DCUN1D1: variants seen among roughly 807,000 people sequenced by gnomAD.
DCUN1D1 encodes defective in cullin neddylation 1 domain containing 1, also known as DCN1-like protein 1.
Under a neutral mutation model 39.0 loss-of-function variants are expected in DCUN1D1, and 3 were observed. The ratio of observed to expected loss-of-function variants is 0.08; its 90% CI spans 0.04 to 0.20. The LOEUF (loss-of-function observed/expected upper bound fraction) is 0.20. Among genes scored for constraint, DCUN1D1 ranks in the 10% least tolerant of loss-of-function variants. The probability of loss-of-function intolerance (pLI) is 1.00; values close to 1 mark genes in which losing one functional copy is unlikely to be tolerated. For synonymous variants in DCUN1D1, 82 were observed against 96.3 expected (o/e 0.85, Z 0.87); for missense variants, 158 against 302.4 (o/e 0.52, Z 3.54).
At chr3:182,951,570 T>C (rs1275052752) in intron 4 of DCUN1D1, among the ~76,000 whole-genome samples, 1 of 122,422 alleles carries the variant, frequency 8.2e-6, no homozygotes, top group African/African-American at 3.3e-5. Flanking sequence ...GGGTCATGAT[T>C]GTGCCACTGC....
rs1428767566 is a variant in DCUN1D1 at position 182,940,818 on chromosome 3, T to C, written c.*4276A>G. 12 of 152,274 alleles carry C rather than the reference T, an allele frequency of 7.9e-5. 1 individual carries two copies. Among genetic ancestry groups the C allele is most frequent in the Admixed American group, 6.5e-4 (10 of 15,288 alleles). 9.4% of individuals were successfully genotyped at this position (152,274 alleles called of 1,614,324 possible). On this transcript the variant is annotated 3_prime_UTR_variant, in exon 7 of 7. Coordinates refer to ENST00000292782, the MANE Select transcript of DCUN1D1 (RefSeq NM_020640.4). ...CAATCATGAAGCACTTGTAAGTAAA[T>C]AGAAAATTGGGCTATACTTAAAAAC... is the stretch of plus-strand genomic sequence containing the variant.
intron 4 of DCUN1D1, among the ~76,000 whole-genome samples, chr3:182,954,216 G>A (rs1412022458): frequency 6.6e-6 from 1 of 152,190 alleles, no homozygotes; most frequent in Non-Finnish European, 1.5e-5. Flanking sequence ...CATCTACTGA[G>A]ATATAAAGAA....
intron 4 of DCUN1D1, among the ~76,000 whole-genome samples, chr3:182,954,941 T>C (rs576386565): frequency 6.6e-6 from 1 of 152,352 alleles, no homozygotes; most frequent in African/African-American, 2.4e-5. Flanking sequence ...GTCTAAAATT[T>C]GTCTACTTTT....
chr3:182,961,120 T>C (rs1185824697), intron 4 of DCUN1D1, 106 bp downstream of exon 4: 1 of 847,638 alleles, frequency 1.2e-6, no homozygotes, highest in South Asian at 2.0e-5. Context: ...AACTGGTATT[T>C]TCATGACTTT....
intron 1 of DCUN1D1, among the ~76,000 whole-genome samples, chr3:182,975,263 A>T (rs527839572): frequency 6.9e-6 from 1 of 144,996 alleles, no homozygotes; most frequent in Non-Finnish European, 1.5e-5. Flanking sequence ...TGCAAGCTCC[A>T]CCTCCTGGGT....
chr3:182,961,744 T>C (rs778399789), intron 3 of DCUN1D1, among the ~76,000 whole-genome samples: 1 of 152,204 alleles, frequency 6.6e-6, no homozygotes, highest in African/African-American at 2.4e-5. Context: ...GCGTCTACTA[T>C]CTAAATTAAC....
At position 182,941,976 on chromosome 3, in the gene DCUN1D1, T is replaced by TA. The variant is rs1246501404; in HGVS notation, c.*3117dup. ...TACTCACTTCTTGATTATCATCAAATAAAAAATAAATGAACACTTCATTCA... is the reference window on the plus strand; with the variant it reads ...TACTCACTTCTTGATTATCATCAAATAAAAAAATAAATGAACACTTCATTCA... On this transcript the variant is annotated 3_prime_UTR_variant, in exon 7 of 7. Coordinates refer to ENST00000292782, the MANE Select transcript of DCUN1D1 (RefSeq NM_020640.4). 1 of 152,104 alleles carries TA rather than the reference T, an allele frequency of 6.6e-6. No homozygotes were observed. The highest frequency in any genetic ancestry group is 1.5e-5 in the Non-Finnish European group (1 of 67,964). The allele number at this position is 152,104 out of a possible 1,614,324, so 9.4% of individuals were successfully genotyped here. A position where few individuals can be genotyped will look rare whatever the true frequency, so the allele number is the denominator to read the frequency against.
chr3:182,979,675 A>G (rs73177390), intron 1 of DCUN1D1, among the ~76,000 whole-genome samples: 5,327 of 148,774 alleles, frequency 0.036, 126 homozygotes, highest in Middle Eastern at 0.095. Context: ...CTTAACTACT[A>G]TAATAAAGCA....
chr3:182,965,253 A>T (rs1477984928), intron 2 of DCUN1D1, among the ~76,000 whole-genome samples: 1 of 152,216 alleles, frequency 6.6e-6, no homozygotes, highest in Non-Finnish European at 1.5e-5. Flanking sequence ...AGGTTTCCTT[A>T]GACTGGTTCA....
intron 4 of DCUN1D1, among the ~76,000 whole-genome samples, chr3:182,950,359 G>A (rs1428603648): frequency 6.6e-6 from 1 of 151,872 alleles, no homozygotes; most frequent in Non-Finnish European, 1.5e-5. Context: ...CGTTGGCCAG[G>A]ATGGTCTCTA....
chr3:182,947,218 G>T lies in DCUN1D1; in HGVS notation c.700+20C>A. 6.8e-7 allele frequency: 1 copy of T among 1,479,316 alleles called. No homozygotes were observed. The highest frequency in any genetic ancestry group is 9.3e-7 in the Non-Finnish European group (1 of 1,080,076). The allele number at this position is 1,479,316 out of a possible 1,614,324, so 91.6% of individuals were successfully genotyped here. ...AAAAGGCACATTAAAAAAAAGTGGT[G>T]TGGCAAAAATTTTCATTACCTTCTT... On this transcript the variant is annotated intron_variant, in intron 6 of 6. Transcript: ENST00000292782.
chr3:182,971,001 G>C lies in DCUN1D1; in HGVS notation c.4-5248C>G, dbSNP rs566206020. On this transcript the variant is annotated intron_variant, in intron 1 of 6. Coordinates refer to ENST00000292782, the MANE Select transcript of DCUN1D1 (RefSeq NM_020640.4). ...CCAGGAAAGTCAGAATAGGAATCTA[G>C]GTAGGAGTAGCTCTATCTCTTTCCT... 7.9e-5 allele frequency among the ~76,000 whole-genome samples: 12 copies of C among 152,310 alleles called. No individual in the cohort carries two copies. The South Asian group carries it at 2.5e-3, about 32-fold the overall frequency.
At chr3:182,949,853 A>C (rs1726618180) in intron 4 of DCUN1D1, among the ~76,000 whole-genome samples, 1 of 152,220 alleles carries the variant, frequency 6.6e-6, no homozygotes, top group Non-Finnish European at 1.5e-5. Flanking sequence ...CAACTAGCAG[A>C]CTGAAATACA....
upstream of DCUN1D1, among the ~76,000 whole-genome samples, chr3:182,983,306 T>C (rs1418842228): frequency 6.6e-6 from 1 of 152,184 alleles, no homozygotes; most frequent in Non-Finnish European, 1.5e-5. Context: ...TAATCCTCAC[T>C]GCGACACATA....
chr3:182,959,758 G>A (rs1404930325), intron 4 of DCUN1D1, among the ~76,000 whole-genome samples: 1 of 152,170 alleles, frequency 6.6e-6, no homozygotes, highest in Non-Finnish European at 1.5e-5. Flanking sequence ...AACTCGTACT[G>A]AAATTTTATC....
intron 1 of DCUN1D1, among the ~76,000 whole-genome samples, chr3:182,969,988 C>G (rs531344167): frequency 1.4e-4 from 21 of 152,164 alleles, no homozygotes; most frequent in Non-Finnish European, 3.1e-4. Context: ...GGTGCAGTAA[C>G]TCACGCCTGT....
chr3:182,943,679 A>G lies in DCUN1D1; in HGVS notation c.*1415T>C, dbSNP rs1477923291. On this transcript the variant is annotated 3_prime_UTR_variant, in exon 7 of 7. Transcript: ENST00000292782. Reference sequence around the variant, plus strand: ...ACCATAATCATCAAACATTTGAAGTATTACATTTCTAGCCTGCCTTACGGA... The same window carrying G: ...ACCATAATCATCAAACATTTGAAGTGTTACATTTCTAGCCTGCCTTACGGA... 1.3e-5 allele frequency: 2 copies of G among 152,540 alleles called. No individual in the cohort carries two copies. Among genetic ancestry groups the G allele is most frequent in the Non-Finnish European group, 2.9e-5 (2 of 68,020 alleles). 9.4% of individuals were successfully genotyped at this position (152,540 alleles called of 1,614,324 possible). A position where few individuals can be genotyped will look rare whatever the true frequency, so the allele number is the denominator to read the frequency against.
At chr3:182,981,003 G>A (rs983194873), upstream of DCUN1D1, 1 of 152,168 alleles carries the variant, frequency 6.6e-6, no homozygotes, top group Admixed American at 6.6e-5. Context: ...CAAAAAAAGG[G>A]AGAAGATAGT....
rs1270351091 is a variant in DCUN1D1 at position 182,942,023 on chromosome 3, G to A, written c.*3071C>T. ...TTCATTTAAGTCTGAGGAAAAAATA[G>A]TGTACCTTGCTTAAATAAGAATTCC... On this transcript the variant is annotated 3_prime_UTR_variant, in exon 7 of 7. Coordinates refer to ENST00000292782, the MANE Select transcript of DCUN1D1 (RefSeq NM_020640.4). The A allele has an allele frequency of 2.0e-5, 3 of 152,060 alleles. No homozygotes were observed. The highest frequency in any genetic ancestry group is 4.4e-5 in the Non-Finnish European group (3 of 67,944). The allele number at this position is 152,060 out of a possible 1,614,324, so 9.4% of individuals were successfully genotyped here. A position where few individuals can be genotyped will look rare whatever the true frequency, so the allele number is the denominator to read the frequency against.
Sources: gnomAD v4.1 joint callset for allele counts (sites outside exome capture counted in the v4.1 genomes callset) on GRCh38, gnomAD v4.1.1 for gene constraint, MANE v1.5 for transcripts, NCBI Gene and HGNC (gene_info 2026-07-23, HGNC 2026-07-21) for gene names.